The following CHDH variants were observed in gnomAD, a reference collection of about 807,000 sequenced individuals.
CHDH encodes choline dehydrogenase.
Under a neutral mutation model 56.9 loss-of-function variants are expected in CHDH, and 43 were observed. That is an observed-to-expected ratio of 0.76 (90% CI 0.59 to 0.97). CHDH has a LOEUF of 0.97. CHDH is among the 50% of genes least tolerant of loss of function. The probability of loss-of-function intolerance (pLI) is 0.00; values close to 1 mark genes in which losing one functional copy is unlikely to be tolerated. For synonymous variants in CHDH, 364 were observed against 348.5 expected (o/e 1.04, Z -0.50); for missense variants, 816 against 821.1 (o/e 0.99, Z 0.08).
intron 2 of CHDH, 99 bp from the exon 3 acceptor site, chr3:53,824,166 T>C (rs1452626921): frequency 1.4e-5 from 9 of 638,422 alleles, no homozygotes; most frequent in Non-Finnish European, 2.0e-5. Flanking sequence ...CCCAGCCTGA[T>C]GTGGCTGCTC....
At chr3:53,823,195 G>GC in intron 3 of CHDH, 111 bp downstream of exon 3, 1 of 1,008,270 alleles carries the variant, frequency 9.9e-7, no homozygotes, top group East Asian at 2.7e-5. Context: ...GCCTCAGTCT[G>GC]CCCATGCCTC....
At chr3:53,820,647 G>A (rs759200877) in intron 5 of CHDH, 39 bp from the exon 6 acceptor site, 1 of 1,592,198 alleles carries the variant, frequency 6.3e-7, no homozygotes, top group Admixed American at 1.8e-5. Context: ...TGGCTACCAA[G>A]GGGGCTCAGC....
intron 2 of CHDH, among the ~76,000 whole-genome samples, chr3:53,826,757 A>G (rs1347597383): frequency 1.3e-5 from 2 of 152,244 alleles, no homozygotes; most frequent in Non-Finnish European, 2.9e-5. Context: ...TATCTAATGC[A>G]GTAAGACAAG....
At chr3:53,843,195 T>A (rs1317489535) in intron 1 of CHDH, among the ~76,000 whole-genome samples, 1 of 148,716 alleles carries the variant, frequency 6.7e-6, no homozygotes, top group East Asian at 2.0e-4. Context: ...CACCTTTTTT[T>A]TTTTTTTTTG....
Position 53,819,104 on chromosome 3 carries a change from C to A in CHDH, c.1264-64G>T. ...AGACATCCACAGTGACCTCTGTCAA[C>A]CCTGGTTTACCTGTAGGGTGGGCCT... On this transcript the variant is annotated intron_variant, in intron 7 of 8. Coordinates refer to ENST00000315251, the MANE Select transcript of CHDH (RefSeq NM_018397.5). The surrounding 1 kb of genome is among the most constrained non-coding windows in gnomAD (Gnocchi z 5.4). 1 of 1,126,214 alleles carries A rather than the reference C, an allele frequency of 8.9e-7. No homozygotes were observed. The highest frequency in any genetic ancestry group is 1.3e-6 in the Non-Finnish European group (1 of 760,666). The allele number at this position is 1,126,214 out of a possible 1,614,324, so 69.8% of individuals were successfully genotyped here.
rs1260626112 is a variant in CHDH at position 53,843,189 on chromosome 3, T to C, written c.-130-2190A>G. Reference sequence around the variant, plus strand: ...GTCCTAGGGAATTTCCCCCCCCACCTTTTTTTTTTTTTTTTGGTTCTGCCT... The same window carrying C: ...GTCCTAGGGAATTTCCCCCCCCACCCTTTTTTTTTTTTTTTGGTTCTGCCT... On this transcript the variant is annotated intron_variant, in intron 1 of 8. Transcript: ENST00000315251. Among the ~76,000 whole-genome samples, 24 of 26,284 alleles carry C rather than the reference T, an allele frequency of 9.1e-4. 1 individual carries two copies. The highest frequency in any genetic ancestry group is 1.5e-3 in the African/African-American group (18 of 12,108). The allele number at this position is 26,284 out of a possible 152,430, so 17.2% of individuals were successfully genotyped here. A position where few individuals can be genotyped will look rare whatever the true frequency, so the allele number is the denominator to read the frequency against.
chr3:53,819,022 G>T lies in CHDH; in HGVS notation c.1282C>A (p.Arg428=). The change falls in exon 8 of 9, where the codon CGG becomes AGG. Residue 428 remains arginine, a synonymous_variant. Transcript: ENST00000315251. The surrounding 1 kb of genome is among the most constrained non-coding windows in gnomAD (Gnocchi z 5.4). ...EAYQVHVGPM[R]GTSVGWLKLR... The stretch of plus-strand genomic sequence containing the variant: ...TTGAGCCAGCCCACACTCGTGCCCC[G>T]CATGGGCCCCACATGTACCTAGAAG... The T allele has an allele frequency of 6.2e-7, 1 of 1,612,250 alleles. No homozygotes were observed. Among genetic ancestry groups the T allele is most frequent in the Admixed American group, 1.7e-5 (1 of 59,986 alleles).
intron 3 of CHDH, 24 bp downstream of exon 3, chr3:53,823,282 T>C: frequency 6.7e-7 from 1 of 1,481,974 alleles, no homozygotes; most frequent in Non-Finnish European, 9.0e-7. Context: ...AGTGCTTTTT[T>C]AAAAAGAGAA....
intron 2 of CHDH, among the ~76,000 whole-genome samples, chr3:53,835,811 G>A (rs1430956720): frequency 6.6e-6 from 1 of 152,188 alleles, no homozygotes; most frequent in Non-Finnish European, 1.5e-5. Context: ...GCTGGGTGGG[G>A]TGGAGGGTCT....
chr3:53,820,342 AG>A, intron 6 of CHDH, 131 bp downstream of exon 6: 1 of 1,083,798 alleles, frequency 9.2e-7, no homozygotes, highest in East Asian at 2.6e-5. Context: ...GGAAAAACTG[AG>A]GCTCAGGGCT....
intron 4 of CHDH, among the ~76,000 whole-genome samples, chr3:53,822,169 C>T (rs2095628155): frequency 6.6e-6 from 1 of 152,194 alleles, no homozygotes; most frequent in Non-Finnish European, 1.5e-5. Flanking sequence ...TTTAAAACCT[C>T]TAGTGTAAAC....
chr3:53,820,039 C>G (rs182930476), intron 6 of CHDH, among the ~76,000 whole-genome samples: 87 of 152,302 alleles, frequency 5.7e-4, no homozygotes, highest in African/African-American at 2.0e-3. Flanking sequence ...TTTAAACTAC[C>G]ATTTCCTGGC....
At chr3:53,822,425 C>A in intron 4 of CHDH, 66 bp downstream of exon 4, 3 of 1,487,652 alleles carry the variant, frequency 2.0e-6, no homozygotes, top group African/African-American at 2.7e-5. Flanking sequence ...CCTGCCCACT[C>A]TGAGCTGGAC....
At chr3:53,838,306 G>T (rs1370831033) in intron 2 of CHDH, among the ~76,000 whole-genome samples, 1 of 151,898 alleles carries the variant, frequency 6.6e-6, no homozygotes, top group Non-Finnish European at 1.5e-5. Flanking sequence ...ATCCCTTAGG[G>T]GCCCCTCCCA....
intron 8 of CHDH, 64 bp from the exon 9 acceptor site, chr3:53,818,259 T>C: frequency 7.0e-7 from 1 of 1,422,912 alleles, no homozygotes; most frequent in East Asian, 2.3e-5. Flanking sequence ...ACTGGAAGAT[T>C]CACGGCATGG....
intron 2 of CHDH, 59 bp from the exon 3 acceptor site, chr3:53,824,126 C>A: frequency 1.9e-6 from 2 of 1,032,530 alleles, no homozygotes; most frequent in Non-Finnish European, 2.7e-6. Flanking sequence ...GTATGCTCAC[C>A]AACGGCCTGC....
rs564763348 is a variant in CHDH at position 53,832,314 on chromosome 3, G to A, written c.-59-8247C>T. Among the ~76,000 whole-genome samples the A allele has an allele frequency of 7.9e-5, 12 of 152,300 alleles. No individual in the cohort carries two copies. The South Asian group carries it at 1.0e-3, about 13-fold the overall frequency. On this transcript the variant is annotated intron_variant, in intron 2 of 8. Transcript: ENST00000315251. ...TGGGAGGCCAAGGTAGGCGGATCAT[G>A]AGGTCAGGAGATTAAGACCATCCTG...
At chr3:53,834,399 T>C (rs916925088) in intron 2 of CHDH, among the ~76,000 whole-genome samples, 11 of 152,084 alleles carry the variant, frequency 7.2e-5, no homozygotes, top group Non-Finnish European at 1.2e-4. Flanking sequence ...TGAGCCCAGA[T>C]TGCACCACTG....
intron 2 of CHDH, among the ~76,000 whole-genome samples, chr3:53,832,907 C>T (rs980224250): frequency 5.9e-5 from 9 of 152,288 alleles, no homozygotes; most frequent in Non-Finnish European, 1.0e-4. Flanking sequence ...CACTGAATTA[C>T]GCTTACAATG....
Sources: allele counts gnomAD v4.1 joint callset (sites outside exome capture counted in the v4.1 genomes callset), GRCh38; gene constraint gnomAD v4.1.1; non-coding constraint Gnocchi (gnomAD v3.1); transcripts MANE v1.5; gene names NCBI Gene and HGNC (gene_info 2026-07-23, HGNC 2026-07-21).